Variants in ESR1 observed in about 807,000 individuals in gnomAD.
ESR1 encodes the protein estrogen receptor.
In ESR1, 12 loss-of-function variants were observed where a neutral mutation model predicts 52.7. That is an observed-to-expected ratio of 0.23 (90% confidence interval 0.15 to 0.37). The LOEUF is 0.37. Among genes scored for constraint, ESR1 ranks in the 10% least tolerant of loss-of-function variants. ESR1 has a pLI of 1.00. For missense variants in ESR1, 584 were observed against 779.7 expected (o/e 0.75, Z 2.99); for synonymous variants, 305 against 316.8 (o/e 0.96, Z 0.39).
intron 1 of ESR1, among the ~76,000 whole-genome samples, chr6:151,660,169 T>G (rs1777591219): frequency 6.6e-6 from 1 of 152,186 alleles, no homozygotes; most frequent in African/African-American, 2.4e-5. Flanking sequence ...AAATTCCTAA[T>G]AACTCCACAG....
intron 5 of ESR1, among the ~76,000 whole-genome samples, chr6:152,029,270 A>G (rs977424178): frequency 1.3e-5 from 2 of 152,266 alleles, no homozygotes; most frequent in Non-Finnish European, 2.9e-5. Context: ...CCTCACCAGC[A>G]ACGGAACAAA....
At chr6:151,737,230 T>C (rs1215272899) in intron 2 of ESR1, among the ~76,000 whole-genome samples, 1 of 152,152 alleles carries the variant, frequency 6.6e-6, no homozygotes, top group Non-Finnish European at 1.5e-5. Flanking sequence ...CTGCAACAAA[T>C]GTGCATGTTA....
chr6:152,097,878 C>G (rs529949502), intron 7 of ESR1, among the ~76,000 whole-genome samples: 1 of 151,850 alleles, frequency 6.6e-6, no homozygotes, highest in Non-Finnish European at 1.5e-5. Context: ...TGTTTGGAGG[C>G]GGGAGAATAA....
chr6:151,726,060 G>A (rs1264119143), intron 2 of ESR1, among the ~76,000 whole-genome samples: 3 of 152,128 alleles, frequency 2.0e-5, no homozygotes, highest in African/African-American at 7.2e-5. Flanking sequence ...TGCAGGGCAC[G>A]GAAATCAGTT....
intron 6 of ESR1, among the ~76,000 whole-genome samples, chr6:152,076,282 T>G (rs1424025073): frequency 6.6e-6 from 1 of 152,200 alleles, no homozygotes; most frequent in African/African-American, 2.4e-5. Flanking sequence ...CACTTTTATA[T>G]CTTCCTCATT....
chr6:151,983,217 G>T (rs184101320), intron 4 of ESR1, among the ~76,000 whole-genome samples: 52 of 152,238 alleles, frequency 3.4e-4, no homozygotes, highest in Admixed American at 5.9e-4. Flanking sequence ...TGGGATCAAT[G>T]AAGTGGGTCT....
At chr6:152,057,475 A>T (rs1365300967) in intron 5 of ESR1, among the ~76,000 whole-genome samples, 1 of 152,150 alleles carries the variant, frequency 6.6e-6, no homozygotes, top group Non-Finnish European at 1.5e-5. Context: ...ATCAGGATAA[A>T]CTTCTTGTAG....
In ESR1 at chr6:151,697,018, G is replaced by A. The variant is rs963421455; in HGVS notation, c.-201-4857G>A. On this transcript the variant is annotated intron_variant, in intron 1 of 2. Transcript: ENST00000404742. ...TGACAGAAACATAGTTAAGAAAAGT[G>A]CAAGGTGGTGGTAGGAGGTAATTTA... 9.9e-5 allele frequency among the ~76,000 whole-genome samples: 15 copies of A among 152,180 alleles called. No individual in the cohort carries two copies. In the South Asian group the frequency reaches 1.0e-3, roughly 10 times the overall value.
intron 4 of ESR1, among the ~76,000 whole-genome samples, chr6:151,996,491 C>T (rs79542921): frequency 2.6e-5 from 4 of 152,088 alleles, no homozygotes; most frequent in East Asian, 1.9e-4. Context: ...CCTCTGCCTT[C>T]GTGGACTCCC....
At chr6:151,992,283 A>G (rs1317293358) in intron 4 of ESR1, among the ~76,000 whole-genome samples, 1 of 152,106 alleles carries the variant, frequency 6.6e-6, no homozygotes, top group African/African-American at 2.4e-5. Flanking sequence ...TCATCATCCC[A>G]GGCAAACTCT....
At chr6:151,986,305 A>T (rs1437817558) in intron 4 of ESR1, among the ~76,000 whole-genome samples, 8 of 152,122 alleles carry the variant, frequency 5.3e-5, no homozygotes, top group Non-Finnish European at 1.2e-4. Context: ...AAAATTTGTG[A>T]TGAGCAAAAT....
intron 6 of ESR1, among the ~76,000 whole-genome samples, chr6:152,110,694 A>G (rs2051122167): frequency 6.6e-6 from 1 of 152,244 alleles, no homozygotes; most frequent in African/African-American, 2.4e-5. Flanking sequence ...GTTTTTTTCA[A>G]AAATTGCATT....
At chr6:151,767,902 C>T (rs531278398) in intron 2 of ESR1, among the ~76,000 whole-genome samples, 170 of 152,200 alleles carry the variant, frequency 1.1e-3, no homozygotes, top group African/African-American at 3.9e-3. Flanking sequence ...CTAGAAGGGG[C>T]ATATACCCCT....
intron 1 of ESR1, among the ~76,000 whole-genome samples, chr6:151,812,008 T>C (rs1778912263): frequency 6.6e-6 from 1 of 152,200 alleles, no homozygotes; most frequent in African/African-American, 2.4e-5. Flanking sequence ...ACTTAGTCTA[T>C]GACATTCATA....
At chr6:151,713,893 G>C (rs565195335) in intron 2 of ESR1, among the ~76,000 whole-genome samples, 5 of 152,090 alleles carry the variant, frequency 3.3e-5, no homozygotes, top group South Asian at 2.1e-4. Context: ...TTTTGAATGT[G>C]TTTGCTCTTG....
intron 1 of ESR1, among the ~76,000 whole-genome samples, chr6:151,691,401 C>T (rs1778930289): frequency 6.6e-6 from 1 of 152,116 alleles, no homozygotes; most frequent in East Asian, 1.9e-4. Flanking sequence ...AGAGGAATGC[C>T]ACATGTCTTA....
chr6:151,823,031 A>G (rs1038806713), intron 1 of ESR1, among the ~76,000 whole-genome samples: 6 of 152,236 alleles, frequency 3.9e-5, no homozygotes, highest in Admixed American at 3.3e-4. Flanking sequence ...TGTCAGATAA[A>G]ACAGGATGCC....
chr6:152,074,430 T>C (rs1470040681), intron 6 of ESR1, among the ~76,000 whole-genome samples: 1 of 152,236 alleles, frequency 6.6e-6, no homozygotes, highest in Non-Finnish European at 1.5e-5. Flanking sequence ...AGCTCATTTC[T>C]TTTTATCATT....
intron 6 of ESR1, among the ~76,000 whole-genome samples, chr6:152,116,313 CAAACCCTGGAAG>C (rs1417018239): frequency 6.6e-6 from 1 of 152,164 alleles, no homozygotes; most frequent in East Asian, 1.9e-4. Flanking sequence ...TGATTCCTAA[CAAACCCTGGAAG>C]AAACCAGTGG....
Sources: gnomAD v4.1 joint callset for allele counts (sites outside exome capture counted in the v4.1 genomes callset) on GRCh38, gnomAD v4.1.1 for gene constraint, MANE v1.5 for transcripts, NCBI Gene and HGNC (gene_info 2026-07-23, HGNC 2026-07-21) for gene names.